Variants in PRDM16 observed in about 807,000 individuals in gnomAD.
PRDM16 encodes histone-lysine N-methyltransferase PRDM16.
PRDM16 carries 23 observed loss-of-function variants against 110.6 expected under a neutral mutation model. That is an observed-to-expected ratio of 0.21 (90% CI 0.15 to 0.29). PRDM16 has a LOEUF of 0.29. Ranked by LOEUF, PRDM16 falls within the 10% of genes least tolerant of loss-of-function variation. The pLI is 1.00. For synonymous variants in PRDM16, 799 were observed against 781.8 expected (o/e 1.02, Z -0.37); for missense variants, 1,615 against 1,794.3 (o/e 0.90, Z 1.81).
At chr1:3,354,186 G>C (rs1341955492) in intron 3 of PRDM16, among the ~76,000 whole-genome samples, 1 of 152,232 alleles carries the variant, frequency 6.6e-6, no homozygotes, top group Non-Finnish European at 1.5e-5. Flanking sequence ...TAGGCCGGGT[G>C]TGGCGGCTCA....
intron 3 of PRDM16, among the ~76,000 whole-genome samples, chr1:3,257,256 C>A (rs1410385935): frequency 6.6e-6 from 1 of 152,184 alleles, no homozygotes; most frequent in Non-Finnish European, 1.5e-5. Flanking sequence ...ACAGCTGACC[C>A]CAGTTTCTGG....
chr1:3,433,704 G>T lies in PRDM16; in HGVS notation c.3724G>T (p.Glu1242Ter). The T allele has an allele frequency of 6.2e-7, 1 of 1,613,884 alleles. No individual in the cohort carries two copies. The highest frequency in any genetic ancestry group is 8.5e-7 in the Non-Finnish European group (1 of 1,179,900). ...ATATGCAATGATGCTGTCCCTTTCCGAAGACACTCCTCTCCACACCCCCTC... is the reference window on the plus strand; with the variant it reads ...ATATGCAATGATGCTGTCCCTTTCCTAAGACACTCCTCTCCACACCCCCTC... ...QAYAMMLSLSEDTPLHTPSQG... is the reference protein window; with the variant it reads ...QAYAMMLSLS Residue 1242 changes from glutamate (E) to a stop codon, truncating the protein, a stop_gained, in exon 17 of 17, where the codon GAA becomes TAA. Transcript: ENST00000270722. LOFTEE classifies it low-confidence loss of function (END_TRUNC).
intron 1 of PRDM16, among the ~76,000 whole-genome samples, chr1:3,111,610 G>A (rs185549886): frequency 3.9e-5 from 6 of 152,208 alleles, no homozygotes; most frequent in African/African-American, 9.6e-5. Context: ...GGTTGGGGGA[G>A]CCCAGCGCAC....
rs1642669879 is a variant in PRDM16 at position 3,359,323 on chromosome 1, C to T, written c.439-25829C>T. On this transcript the variant is annotated intron_variant, in intron 3 of 16. Coordinates refer to ENST00000270722, the MANE Select transcript of PRDM16 (RefSeq NM_022114.4). The surrounding 1 kb of genome is among the most constrained non-coding windows in gnomAD (Gnocchi z 4.3). The stretch of plus-strand genomic sequence containing the variant: ...CTGGCCAAGGGCAGCTGCCTTTGTC[C>T]TGGATGTCAATGTCCATGAAAACAG... 6.6e-6 allele frequency among the ~76,000 whole-genome samples: 1 copy of T among 152,178 alleles called. No individual in the cohort carries two copies. The highest frequency in any genetic ancestry group is 6.5e-5 in the Admixed American group (1 of 15,290).
chr1:3,375,265 T>TC (rs1259408905), intron 3 of PRDM16, among the ~76,000 whole-genome samples: 1 of 152,074 alleles, frequency 6.6e-6, no homozygotes, highest in Non-Finnish European at 1.5e-5. Context: ...GACATGGTGC[T>TC]CCCCACTGTG....
At chr1:3,193,679 C>T (rs760807690) in intron 2 of PRDM16, among the ~76,000 whole-genome samples, 39 of 152,202 alleles carry the variant, frequency 2.6e-4, no homozygotes, top group Non-Finnish European at 5.1e-4. Context: ...GTGCAAGCCC[C>T]TGCCCCCCAA....
At chr1:3,150,744 A>G (rs1643759046) in intron 1 of PRDM16, among the ~76,000 whole-genome samples, 1 of 150,836 alleles carries the variant, frequency 6.6e-6, no homozygotes, top group African/African-American at 2.4e-5. Flanking sequence ...GGGAACTCAG[A>G]GTTTTTCCAG....
In PRDM16 at chr1:3,144,225, TG is replaced by T. The variant is rs759382968; in HGVS notation, c.38-41895del. On this transcript the variant is annotated intron_variant, in intron 1 of 16. Transcript: ENST00000270722. ...CTGTGGGCACCATCACTGCCCTGGA[TG>T]GGGGCCCGGCCCCACAGGGACCCAG... Among the ~76,000 whole-genome samples, 115 of 152,176 alleles carry T rather than the reference TG, an allele frequency of 7.6e-4. 1 individual carries two copies. The highest frequency in any genetic ancestry group is 3.4e-3 in the Middle Eastern group (1 of 294).
chr1:3,343,779 T>G (rs1273923920), intron 3 of PRDM16, among the ~76,000 whole-genome samples: 1 of 152,154 alleles, frequency 6.6e-6, no homozygotes, highest in African/African-American at 2.4e-5. Context: ...TAGCTGGGAC[T>G]ACAGGCATCC....
chr1:3,404,955 T>A, intron 7 of PRDM16, 69 bp downstream of exon 7: 2 of 1,532,724 alleles, frequency 1.3e-6, no homozygotes, highest in African/African-American at 1.4e-5. Context: ...CCCGCCCCCG[T>A]GCTCCCTACA....
In PRDM16 at chr1:3,092,295, G is replaced by A. The variant is rs879818377; in HGVS notation, c.37+22999G>A. Among the ~76,000 whole-genome samples the A allele has an allele frequency of 5.8e-5, 8 of 137,002 alleles. No homozygotes were observed. In the Admixed American group the frequency reaches 6.0e-4, roughly 10 times the overall value. The allele number at this position is 137,002 out of a possible 152,430, so 89.9% of individuals were successfully genotyped here. A position where few individuals can be genotyped will look rare whatever the true frequency, so the allele number is the denominator to read the frequency against. ...CAGGCACGAGGGCTGCTCTTCGTGA[G>A]TCCCGAGGCAGAGGCTACTGTGTGC... On this transcript the variant is annotated intron_variant, in intron 1 of 16. Transcript: ENST00000270722.
intron 2 of PRDM16, among the ~76,000 whole-genome samples, chr1:3,214,363 T>A (rs548244531): frequency 6.6e-6 from 1 of 152,154 alleles, no homozygotes; most frequent in East Asian, 1.9e-4. Context: ...TAAGAGCTGA[T>A]GTCCACCCAA....
At chr1:3,268,095 C>T (rs866803916) in intron 3 of PRDM16, among the ~76,000 whole-genome samples, 7 of 152,218 alleles carry the variant, frequency 4.6e-5, no homozygotes, top group African/African-American at 1.7e-4. Context: ...ACAGGGTGCC[C>T]GTTTGCACAC....
chr1:3,247,256 C>G (rs889830276), intron 3 of PRDM16, among the ~76,000 whole-genome samples: 8 of 152,112 alleles, frequency 5.3e-5, no homozygotes, highest in African/African-American at 1.9e-4. Context: ...TGAAATGTGA[C>G]GAAGTTAATT....
At chr1:3,341,849 T>C (rs574294064) in intron 3 of PRDM16, among the ~76,000 whole-genome samples, 3 of 152,376 alleles carry the variant, frequency 2.0e-5, no homozygotes, top group Non-Finnish European at 4.4e-5. Flanking sequence ...GACTGTAAGA[T>C]TTCCGAGGAC....
At chr1:3,198,589 G>C (rs1377104845) in intron 2 of PRDM16, among the ~76,000 whole-genome samples, 1 of 152,184 alleles carries the variant, frequency 6.6e-6, no homozygotes, top group African/African-American at 2.4e-5. Context: ...GAGCTGGCTT[G>C]GTGAGTGGGC....
chr1:3,247,353 G>A (rs1639811074), intron 3 of PRDM16, among the ~76,000 whole-genome samples: 3 of 152,252 alleles, frequency 2.0e-5, no homozygotes, highest in Admixed American at 1.3e-4. Flanking sequence ...GTATCAGAGA[G>A]TGAGGTTTCT....
At chr1:3,261,591 C>A (rs1335663192) in intron 3 of PRDM16, among the ~76,000 whole-genome samples, 1 of 152,114 alleles carries the variant, frequency 6.6e-6, no homozygotes, top group East Asian at 1.9e-4. Context: ...ACCCAGGGGG[C>A]CGGGTAGATG....
intron 3 of PRDM16, among the ~76,000 whole-genome samples, chr1:3,253,741 G>T (rs1450880585): frequency 6.6e-6 from 1 of 152,120 alleles, no homozygotes; most frequent in African/African-American, 2.4e-5. Context: ...GGATGGCTGG[G>T]TCAAATGGTA....
Sources: gnomAD v4.1 joint callset for allele counts (sites outside exome capture counted in the v4.1 genomes callset) on GRCh38, gnomAD v4.1.1 for gene constraint, Gnocchi (gnomAD v3.1) non-coding constraint, MANE v1.5 for transcripts, NCBI Gene and HGNC (gene_info 2026-07-23, HGNC 2026-07-21) for gene names.